Variants in SLC22A23 observed in about 807,000 individuals in gnomAD.
The protein encoded by SLC22A23 is solute carrier family 22 member 23.
In SLC22A23, 26 loss-of-function variants were observed where a neutral mutation model predicts 61.0. The ratio of observed to expected loss-of-function variants is 0.43; its 90% CI spans 0.31 to 0.59. SLC22A23 has a LOEUF of 0.59. SLC22A23 is among the 20% of genes least tolerant of loss of function. The pLI, the probability that SLC22A23 is intolerant of heterozygous loss-of-function variation, is 0.11. For missense variants in SLC22A23, 796 were observed against 934.7 expected, an observed-to-expected ratio of 0.85 and a Z score of 1.94; for synonymous variants, 430 against 413.9, an observed-to-expected ratio of 1.04 and a Z score of -0.47.
chr6:3,449,464 G>A (rs981533879), intron 1 of SLC22A23, among the ~76,000 whole-genome samples: 2 of 152,062 alleles, frequency 1.3e-5, no homozygotes, highest in African/African-American at 4.8e-5. Flanking sequence ...AAATACATAA[G>A]AAAATAATGC....
chr6:3,305,364 G>A (rs532529782), intron 4 of SLC22A23, among the ~76,000 whole-genome samples: 7 of 152,332 alleles, frequency 4.6e-5, no homozygotes, highest in African/African-American at 1.7e-4. Context: ...GGTGACTGAA[G>A]TTGGGAAGCA....
chr6:3,288,311 G>A (rs1263865772), intron 6 of SLC22A23, among the ~76,000 whole-genome samples: 1 of 152,120 alleles, frequency 6.6e-6, no homozygotes, highest in African/African-American at 2.4e-5. Context: ...GGAAATCTAC[G>A]TCCTTCTCAT....
At chr6:3,420,769 A>G (rs1473070931) in intron 1 of SLC22A23, among the ~76,000 whole-genome samples, 2 of 152,246 alleles carry the variant, frequency 1.3e-5, no homozygotes, top group African/African-American at 2.4e-5. Context: ...TTAACCATAT[A>G]TGAAACACAA....
intron 1 of SLC22A23, chr6:3,439,441 A>G: frequency 5.5e-6 from 2 of 364,484 alleles, no homozygotes; most frequent in South Asian, 4.3e-5. Flanking sequence ...CGTGAAGAAA[A>G]GGCTCTGTGA....
At position 3,444,785 on chromosome 6, in the gene SLC22A23, C is replaced by T. The variant is rs962030380; in HGVS notation, c.654+11121G>A. On this transcript the variant is annotated intron_variant, in intron 1 of 9. Transcript: ENST00000406686. ...CTTTTTGGTGGGGCTCCTCCCATCA[C>T]CCTGGATGCAGGCTTCCTGTCTGAA... The T allele has an allele frequency of 6.1e-6, 6 of 985,426 alleles. No homozygotes were observed. The Admixed American group carries it at 3.1e-4, about 50-fold the overall frequency. 61.0% of individuals were successfully genotyped at this position (985,426 alleles called of 1,614,324 possible).
At chr6:3,276,045 A>C (rs1252143502) in intron 9 of SLC22A23, among the ~76,000 whole-genome samples, 1 of 152,216 alleles carries the variant, frequency 6.6e-6, no homozygotes, top group Non-Finnish European at 1.5e-5. Flanking sequence ...GGTCTATGCT[A>C]ATAACCCCAG....
At position 3,279,509 on chromosome 6, in the gene SLC22A23, CAAAAAAAAA is replaced by C. The variant is rs10642564; in HGVS notation, c.1703+4334_1703+4342del. ...CTGGCAACAGAGCAAGGCTCCGTCT[CAAAAAAAAA>C]AAAAAAAAAAAAAAAAAATCCTTGA... On this transcript the variant is annotated intron_variant, in intron 9 of 9. Coordinates refer to ENST00000406686, the MANE Select transcript of SLC22A23 (RefSeq NM_015482.2). 1.5e-3 allele frequency among the ~76,000 whole-genome samples: 54 copies of C among 36,016 alleles called. 1 individual carries two copies. The highest frequency in any genetic ancestry group is 3.2e-3 in the South Asian group (2 of 624). The allele number at this position is 36,016 out of a possible 152,430, so 23.6% of individuals were successfully genotyped here.
chr6:3,411,664 T>C (rs1769258998), intron 2 of SLC22A23, among the ~76,000 whole-genome samples: 1 of 151,998 alleles, frequency 6.6e-6, no homozygotes, highest in Admixed American at 6.5e-5. Context: ...CCTTACCCTA[T>C]AGAGATAGAT....
chr6:3,447,708 C>A (rs1771969208), intron 1 of SLC22A23, among the ~76,000 whole-genome samples: 1 of 150,572 alleles, frequency 6.6e-6, no homozygotes, highest in Non-Finnish European at 1.5e-5. Flanking sequence ...CCTGCCTCAG[C>A]CTCCCAAGTA....
At chr6:3,369,186 G>A (rs1287961511) in intron 3 of SLC22A23, among the ~76,000 whole-genome samples, 1 of 151,862 alleles carries the variant, frequency 6.6e-6, no homozygotes, top group Non-Finnish European at 1.5e-5. Context: ...GAAGGGAACT[G>A]GTAAAAACCA....
At chr6:3,305,636 A>G (rs1043122225) in intron 4 of SLC22A23, among the ~76,000 whole-genome samples, 2 of 152,230 alleles carry the variant, frequency 1.3e-5, no homozygotes, top group South Asian at 4.1e-4. Flanking sequence ...CAAATTAAAA[A>G]GCCAGCCAAG....
chr6:3,360,318 A>C lies in SLC22A23; in HGVS notation c.914-36316T>G, dbSNP rs1403613414. 3.9e-5 allele frequency among the ~76,000 whole-genome samples: 6 copies of C among 152,236 alleles called. No homozygotes were observed. The highest frequency in any genetic ancestry group is 7.3e-5 in the Non-Finnish European group (5 of 68,036). ...CCCCCCTCCAAATAAAACAACAACA[A>C]AAAAGGCAAGTCCGTAGTATTGGCC... On this transcript the variant is annotated intron_variant, in intron 3 of 9. Transcript: ENST00000406686. This position sits in a 1 kb window ranked among gnomAD's most constrained non-coding sequence, Gnocchi z 4.6.
chr6:3,404,163 T>C, intron 3 of SLC22A23, among the ~76,000 whole-genome samples: 1 of 152,236 alleles, frequency 6.6e-6, no homozygotes, highest in East Asian at 1.9e-4. Context: ...AATTTTAAAA[T>C]GCCCAGATAT....
intron 3 of SLC22A23, among the ~76,000 whole-genome samples, chr6:3,375,985 T>C (rs1766535264): frequency 6.6e-6 from 1 of 152,258 alleles, no homozygotes; most frequent in Non-Finnish European, 1.5e-5. Context: ...TTCAATTCTA[T>C]TTCTAGAAGG....
chr6:3,430,684 T>C (rs1340880783), intron 1 of SLC22A23, among the ~76,000 whole-genome samples: 2 of 152,166 alleles, frequency 1.3e-5, no homozygotes, highest in Admixed American at 1.3e-4. Flanking sequence ...GAAGGTGCTA[T>C]GAGTGTGCCC....
intron 1 of SLC22A23, among the ~76,000 whole-genome samples, chr6:3,425,983 A>T (rs1035809056): frequency 6.6e-6 from 1 of 152,220 alleles, no homozygotes; most frequent in African/African-American, 2.4e-5. Context: ...AATACACTTT[A>T]TGTGCATATA....
intron 3 of SLC22A23, among the ~76,000 whole-genome samples, chr6:3,408,580 G>A (rs895228045): frequency 6.6e-6 from 1 of 152,132 alleles, no homozygotes; most frequent in Admixed American, 6.5e-5. Flanking sequence ...CTCTTCTGCT[G>A]AGCCCCAAAG....
intron 9 of SLC22A23, 167 bp downstream of exon 9, chr6:3,283,685 G>A (rs544435669): frequency 3.9e-5 from 46 of 1,185,786 alleles, no homozygotes; most frequent in South Asian, 2.1e-4. Context: ...CCTCTTGGGC[G>A]CCTCGGGGTT....
In SLC22A23 at chr6:3,269,963, G is replaced by A. The variant is rs567685837; in HGVS notation, c.*3092C>T. ...AACCAATTTACCAGCCCGTCTTCCA[G>A]ATGCAGGTGATCTTACTCTCAGTAA... On this transcript the variant is annotated 3_prime_UTR_variant, in exon 10 of 10. Coordinates refer to ENST00000406686, the MANE Select transcript of SLC22A23 (RefSeq NM_015482.2). 2.0e-5 allele frequency: 3 copies of A among 152,932 alleles called. No homozygotes were observed. Among genetic ancestry groups the A allele is most frequent in the Non-Finnish European group, 4.4e-5 (3 of 68,044 alleles). 9.5% of individuals were successfully genotyped at this position (152,932 alleles called of 1,614,324 possible). A position where few individuals can be genotyped will look rare whatever the true frequency, so the allele number is the denominator to read the frequency against.
Sources: gnomAD v4.1 joint callset for allele counts (sites outside exome capture counted in the v4.1 genomes callset) on GRCh38, gnomAD v4.1.1 for gene constraint, Gnocchi (gnomAD v3.1) non-coding constraint, MANE v1.5 for transcripts, NCBI Gene and HGNC (gene_info 2026-07-23, HGNC 2026-07-21) for gene names.